Variants in SMYD3 observed in about 807,000 individuals in gnomAD.
SMYD3 encodes SET and MYND domain containing 3.
A neutral mutation model predicts 57.7 loss-of-function variants in SMYD3; 36 were observed. The ratio of observed to expected loss-of-function variants is 0.62; its 90% CI spans 0.48 to 0.82. The LOEUF (loss-of-function observed/expected upper bound fraction) is 0.82. Among genes scored for constraint, SMYD3 ranks in the 40% least tolerant of loss-of-function variants. The probability of loss-of-function intolerance (pLI) is 0.00; values close to 1 mark genes in which losing one functional copy is unlikely to be tolerated. For missense variants in SMYD3, 515 were observed against 538.8 expected (o/e 0.96, Z 0.44); for synonymous variants, 211 against 195.0 (o/e 1.08, Z -0.68).
intron 2 of SMYD3, among the ~76,000 whole-genome samples, chr1:246,345,622 G>C (rs905183514): frequency 3.9e-5 from 6 of 152,024 alleles, no homozygotes; most frequent in Non-Finnish European, 5.9e-5. Context: ...TTTTTGATTT[G>C]GGATGCTCAA....
chr1:245,933,083 A>G (rs1203846041), intron 5 of SMYD3, among the ~76,000 whole-genome samples: 1 of 152,206 alleles, frequency 6.6e-6, no homozygotes, highest in African/African-American at 2.4e-5. Flanking sequence ...TAGGTAGATA[A>G]TATGTCCATG....
rs754524993 is a variant in SMYD3, at chr1:245,858,533, C to T, written c.1039G>A (p.Ala347Thr). The change falls in exon 10 of 12, where the codon GCC (alanine) becomes ACC (threonine). Residue 347 changes from alanine (A) to threonine (T), a missense_variant. Physicochemically the swap from Ala to Thr is moderately conservative, Grantham distance 58. Transcript: ENST00000490107. ...ACINLGLLEEALFYGTRTMEP... is the reference protein window; with the variant it reads ...ACINLGLLEETLFYGTRTMEP... ...ATGGTCCGAGTACCATAGAACAAGG[C>T]TTCCTCCAACAGGCCGAGGTTGATG... The T allele has an allele frequency of 1.9e-6, 3 of 1,614,174 alleles. No individual in the cohort carries two copies. Among genetic ancestry groups the T allele is most frequent in the Non-Finnish European group, 8.5e-7 (1 of 1,180,022 alleles).
At chr1:245,971,423 T>C (rs952009826) in intron 5 of SMYD3, among the ~76,000 whole-genome samples, 1 of 142,964 alleles carries the variant, frequency 7.0e-6, no homozygotes, top group African/African-American at 2.7e-5. Context: ...TCTGCACACA[T>C]ATCCCAGAAC....
At chr1:245,821,066 C>CA (rs1436504088) in intron 10 of SMYD3, among the ~76,000 whole-genome samples, 1 of 150,228 alleles carries the variant, frequency 6.7e-6, no homozygotes, top group Non-Finnish European at 1.5e-5. Context: ...CATATGGAAC[C>CA]AAAAAAGAGC....
chr1:246,101,037 C>T (rs1231908556), intron 5 of SMYD3, among the ~76,000 whole-genome samples: 1 of 139,638 alleles, frequency 7.2e-6, no homozygotes, highest in African/African-American at 2.6e-5. Context: ...TAAATGAATA[C>T]ATCACTAGTA....
At chr1:246,255,979 T>C (rs12122711) in intron 5 of SMYD3, among the ~76,000 whole-genome samples, 21,393 of 147,704 alleles carry the variant, frequency 0.14, 1,961 homozygotes, top group East Asian at 0.41. Context: ...GATAGATAGA[T>C]AGATAGATAC....
At chr1:246,088,286 T>G (rs930076199) in intron 5 of SMYD3, among the ~76,000 whole-genome samples, 1 of 152,080 alleles carries the variant, frequency 6.6e-6, no homozygotes, top group African/African-American at 2.4e-5. Flanking sequence ...TCTTTCTCTC[T>G]CTCTCTATTC....
At chr1:245,818,941 A>G (rs1266456951) in intron 10 of SMYD3, among the ~76,000 whole-genome samples, 13 of 71,578 alleles carry the variant, frequency 1.8e-4, no homozygotes, top group African/African-American at 8.0e-4. Flanking sequence ...ACACATTAAT[A>G]ATGGGAGACT....
intron 5 of SMYD3, among the ~76,000 whole-genome samples, chr1:245,983,142 G>T (rs1538295): frequency 0.64 from 96,790 of 152,000 alleles, 33,911 homozygotes; most frequent in Non-Finnish European, 0.77. Context: ...ACAGAGACAA[G>T]ATGCCTCATC....
chr1:246,181,887 C>T (rs991666148), intron 5 of SMYD3, among the ~76,000 whole-genome samples: 4 of 152,140 alleles, frequency 2.6e-5, no homozygotes, highest in Non-Finnish European at 5.9e-5. Context: ...ATACTAAATT[C>T]CCAAATAAAT....
Position 245,940,585 on chromosome 1 carries a change from C to CAAAACA in SMYD3, c.532-10649_532-10648insTGTTTT, listed in dbSNP as rs1553368818. Among the ~76,000 whole-genome samples, 51 of 149,676 alleles carry CAAAACA rather than the reference C, an allele frequency of 3.4e-4. No individual in the cohort carries two copies. The South Asian group carries it at 4.9e-3, about 14-fold the overall frequency. ...GTTAAAAAAACAAAACAAAACAAAA[C>CAAAACA]AAAAAAAAACAGAAAGCACCACTAC... On this transcript the variant is annotated intron_variant, in intron 5 of 11. Coordinates refer to ENST00000490107, the MANE Select transcript of SMYD3 (RefSeq NM_001167740.2).
chr1:245,805,371 T>A (rs2048101981), intron 10 of SMYD3, among the ~76,000 whole-genome samples: 1 of 152,192 alleles, frequency 6.6e-6, no homozygotes, highest in South Asian at 2.1e-4. Flanking sequence ...ATTATCAAAT[T>A]GTTATTAGAT....
chr1:245,759,276 G>T (rs2045738532), intron 11 of SMYD3, among the ~76,000 whole-genome samples: 1 of 118,298 alleles, frequency 8.5e-6, no homozygotes, highest in Admixed American at 9.2e-5. Context: ...GACAATTACG[G>T]GACATCCTTC....
intron 5 of SMYD3, among the ~76,000 whole-genome samples, chr1:246,115,248 T>C (rs966050264): frequency 6.6e-6 from 1 of 152,220 alleles, no homozygotes; most frequent in Non-Finnish European, 1.5e-5. Context: ...CTGAAAGAGT[T>C]AGAGGTAACA....
At chr1:245,903,233 T>C (rs1363939977) in intron 8 of SMYD3, among the ~76,000 whole-genome samples, 1 of 152,104 alleles carries the variant, frequency 6.6e-6, no homozygotes, top group East Asian at 1.9e-4. Context: ...GGCTAGATCA[T>C]GAAGAAGGAA....
chr1:246,144,509 C>T (rs1484082959), intron 5 of SMYD3, among the ~76,000 whole-genome samples: 1 of 152,108 alleles, frequency 6.6e-6, no homozygotes, highest in Non-Finnish European at 1.5e-5. Flanking sequence ...AAATGGGAAG[C>T]TCCTGTTTTA....
At chr1:246,280,281 A>G (rs2064415850) in intron 5 of SMYD3, among the ~76,000 whole-genome samples, 1 of 152,252 alleles carries the variant, frequency 6.6e-6, no homozygotes, top group Non-Finnish European at 1.5e-5. Flanking sequence ...GTATTATTTT[A>G]TAAAGTCTAC....
At chr1:246,048,715 CAG>C (rs2060011577) in intron 5 of SMYD3, among the ~76,000 whole-genome samples, 1 of 151,246 alleles carries the variant, frequency 6.6e-6, no homozygotes, top group African/African-American at 2.4e-5. Context: ...CATCAGCAAA[CAG>C]GGAGAATGAT....
intron 2 of SMYD3, among the ~76,000 whole-genome samples, chr1:246,350,806 G>A (rs1364726902): frequency 6.6e-6 from 1 of 151,836 alleles, no homozygotes; most frequent in Non-Finnish European, 1.5e-5. Context: ...GCAGGCAAAG[G>A]TAAAGTGGGA....
Sources: allele counts gnomAD v4.1 joint callset (sites outside exome capture counted in the v4.1 genomes callset), GRCh38; gene constraint gnomAD v4.1.1; transcripts MANE v1.5; gene names NCBI Gene and HGNC (gene_info 2026-07-23, HGNC 2026-07-21).